The following RAB40C variants were observed in gnomAD, a reference collection of about 807,000 sequenced individuals.
RAB40C encodes RAB40C, member RAS oncogene family.
In RAB40C, 8 loss-of-function variants were observed where a neutral mutation model predicts 28.1. The ratio of observed to expected loss-of-function variants is 0.28; its 90% CI spans 0.17 to 0.51. RAB40C has a LOEUF of 0.51. Among genes scored for constraint, RAB40C ranks in the 20% least tolerant of loss-of-function variants. The pLI, the probability that RAB40C is intolerant of heterozygous loss-of-function variation, is 0.97. For synonymous variants in RAB40C, 201 were observed against 171.7 expected (o/e 1.17, Z -1.34); for missense variants, 288 against 405.9 (o/e 0.71, Z 2.50).
chr16:619,013 A>AGT (rs1346461500), intron 3 of RAB40C, among the ~76,000 whole-genome samples: 3 of 98,168 alleles, frequency 3.1e-5, no homozygotes, highest in Non-Finnish European at 3.9e-5. Flanking sequence ...CCATGTGTGC[A>AGT]GTGTGTGCAG....
chr16:598,374 C>G (rs1280660875), intron 1 of RAB40C, among the ~76,000 whole-genome samples: 1 of 110,760 alleles, frequency 9.0e-6, no homozygotes, highest in Non-Finnish European at 1.8e-5. Flanking sequence ...GAGACTCCAC[C>G]TCAAAAAAAA....
chr16:617,020 A>C, intron 1 of RAB40C, 188 bp from the exon 2 acceptor site: 1 of 625,540 alleles, frequency 1.6e-6, no homozygotes, highest in South Asian at 1.8e-5. Flanking sequence ...CGTGTGCAGA[A>C]GTGGGCAGGC....
At chr16:624,995 T>C (rs745540719) in intron 3 of RAB40C, 2 of 1,289,750 alleles carry the variant, frequency 1.6e-6, no homozygotes, top group South Asian at 2.5e-5. Context: ...CATTCTGCTC[T>C]GCAAGTTTTA....
At chr16:625,391 C>T (rs764248286) in intron 3 of RAB40C, 41 bp from the exon 4 acceptor site, 6 of 1,599,940 alleles carry the variant, frequency 3.8e-6, no homozygotes, top group South Asian at 3.3e-5. Flanking sequence ...GCTGGCCATG[C>T]GTGTCAGTGA....
intron 1 of RAB40C, among the ~76,000 whole-genome samples, chr16:601,244 C>T (rs1596401519): frequency 6.6e-6 from 1 of 152,302 alleles, no homozygotes; most frequent in East Asian, 1.9e-4. Context: ...ACCATCAAGG[C>T]TGTATCACCG....
chr16:616,333 T>TTTTA (rs57235517), intron 1 of RAB40C, among the ~76,000 whole-genome samples: 29,402 of 141,482 alleles, frequency 0.21, 4,170 homozygotes, highest in East Asian at 0.55. Context: ...AGAAGCAGCA[T>TTTTA]TTTATTTATT....
intron 1 of RAB40C, among the ~76,000 whole-genome samples, chr16:592,245 A>G (rs1490218996): frequency 1.3e-5 from 2 of 152,132 alleles, no homozygotes; most frequent in African/African-American, 2.4e-5. Context: ...TATTTGCTGA[A>G]TTGTCTGCCT....
intron 1 of RAB40C, among the ~76,000 whole-genome samples, chr16:605,185 G>A (rs1479996617): frequency 3.9e-5 from 6 of 152,090 alleles, no homozygotes; most frequent in East Asian, 1.9e-4. Flanking sequence ...TGATTGTTCC[G>A]CTGCACTCCA....
intron 1 of RAB40C, among the ~76,000 whole-genome samples, chr16:614,918 G>T (rs956997972): frequency 1.1e-4 from 17 of 152,184 alleles, no homozygotes; most frequent in Non-Finnish European, 2.4e-4. Context: ...TAACTCTACC[G>T]CATCCTGATG....
chr16:625,796 G>A, intron 4 of RAB40C, 103 bp from the exon 5 acceptor site: 1 of 1,197,512 alleles, frequency 8.4e-7, no homozygotes, highest in Middle Eastern at 2.7e-4. Context: ...ACCTCCCACG[G>A]CCCTCACCCC....
At chr16:614,367 T>C (rs1277258713) in intron 1 of RAB40C, among the ~76,000 whole-genome samples, 7 of 89,674 alleles carry the variant, frequency 7.8e-5, no homozygotes, top group Non-Finnish European at 1.1e-4. Flanking sequence ...CTGCCAAACT[T>C]TACCTCGTCC....
chr16:607,470 T>C (rs1596405213), intron 1 of RAB40C, among the ~76,000 whole-genome samples: 1 of 135,492 alleles, frequency 7.4e-6, no homozygotes, highest in Non-Finnish European at 1.5e-5. Context: ...GCCACCACAC[T>C]CCGGCCTGGA....
At chr16:609,299 G>GA (rs1326963226) in intron 1 of RAB40C, among the ~76,000 whole-genome samples, 1 of 152,046 alleles carries the variant, frequency 6.6e-6, no homozygotes. Flanking sequence ...TATTCTCTGG[G>GA]AAAATTGAGT....
chr16:602,797 TG>T (rs1381737273), intron 1 of RAB40C, among the ~76,000 whole-genome samples: 2 of 152,224 alleles, frequency 1.3e-5, no homozygotes, highest in Non-Finnish European at 2.9e-5. Context: ...CTTGAACTCC[TG>T]GGCTCAAGTG....
intron 3 of RAB40C, among the ~76,000 whole-genome samples, chr16:623,355 A>T (rs948576844): frequency 2.0e-5 from 3 of 152,174 alleles, no homozygotes; most frequent in Non-Finnish European, 4.4e-5. Flanking sequence ...TTTATTTTTT[A>T]AAAATCATGC....
intron 1 of RAB40C, among the ~76,000 whole-genome samples, chr16:614,771 G>A (rs916791423): frequency 4.6e-5 from 7 of 151,426 alleles, no homozygotes; most frequent in Admixed American, 2.6e-4. Context: ...GCCGCATCCC[G>A]ACGGTGAACT....
chr16:613,546 G>C (rs139397924), intron 1 of RAB40C, among the ~76,000 whole-genome samples: 1 of 152,274 alleles, frequency 6.6e-6, no homozygotes, highest in Admixed American at 6.5e-5. Flanking sequence ...AGGCTGGATC[G>C]TGGTGCGGTG....
At chr16:621,168 C>A (rs1002623663) in intron 3 of RAB40C, among the ~76,000 whole-genome samples, 1 of 152,298 alleles carries the variant, frequency 6.6e-6, no homozygotes, top group East Asian at 1.9e-4. Context: ...TGCTTCCTTG[C>A]CCCGGGAGAA....
At chr16:605,184 C>G (rs79366855) in intron 1 of RAB40C, among the ~76,000 whole-genome samples, 1 of 152,180 alleles carries the variant, frequency 6.6e-6, no homozygotes, top group East Asian at 1.9e-4. Context: ...GTGATTGTTC[C>G]GCTGCACTCC....
Sources: gnomAD v4.1 joint callset for allele counts (sites outside exome capture counted in the v4.1 genomes callset) on GRCh38, gnomAD v4.1.1 for gene constraint, MANE v1.5 for transcripts, NCBI Gene and HGNC (gene_info 2026-07-23, HGNC 2026-07-21) for gene names.